Variants in FANCM observed in about 807,000 individuals in gnomAD.
FANCM encodes FA complementation group M, also known as Fanconi anemia group M protein.
In FANCM, 140 loss-of-function variants were observed where a neutral mutation model predicts 199.5. The ratio of observed to expected loss-of-function variants is 0.70; its 90% CI spans 0.61 to 0.81. The LOEUF is 0.81. Among genes scored for constraint, FANCM ranks in the 30% least tolerant of loss-of-function variants. FANCM has a pLI of 0.00. For synonymous variants in FANCM, 840 were observed against 836.8 expected (o/e 1.00, Z -0.07); for missense variants, 2,410 against 2,421.4 (o/e 1.00, Z 0.10).
At chr14:45,185,039 C>T (rs1889309209) in intron 17 of FANCM, among the ~76,000 whole-genome samples, 178 bp from the exon 18 acceptor site, 1 of 151,932 alleles carries the variant, frequency 6.6e-6, no homozygotes, top group East Asian at 1.9e-4. Flanking sequence ...GCTTCGGCCT[C>T]CCATAGTGCT....
At chr14:45,154,905 A>G (rs568300822) in intron 7 of FANCM, 83 bp downstream of exon 7, 17 of 996,426 alleles carry the variant, frequency 1.7e-5, no homozygotes, top group Admixed American at 3.7e-5. Flanking sequence ...TTTGATGCAA[A>G]TGTCTACAAT....
At chr14:45,150,383 T>A (rs1359585838) in intron 4 of FANCM, among the ~76,000 whole-genome samples, 1 of 152,212 alleles carries the variant, frequency 6.6e-6, no homozygotes, top group African/African-American at 2.4e-5. Flanking sequence ...ATTTTGTTAG[T>A]ATTTTTAGAG....
At chr14:45,186,727 G>T (rs2139288519) in intron 18 of FANCM, among the ~76,000 whole-genome samples, 1 of 152,350 alleles carries the variant, frequency 6.6e-6, no homozygotes, top group Admixed American at 6.5e-5. Flanking sequence ...AAAGACAACA[G>T]CCAGTGCAAA....
intron 12 of FANCM, among the ~76,000 whole-genome samples, chr14:45,171,893 T>G (rs1205336980): frequency 6.6e-6 from 1 of 152,176 alleles, no homozygotes; most frequent in African/African-American, 2.4e-5. Context: ...GACTGCTGGA[T>G]CAAATGGTAG....
In FANCM at chr14:45,199,982, C is replaced by A; in HGVS notation, c.6121C>A (p.Gln2041Lys). The A allele has an allele frequency of 6.2e-7, 1 of 1,608,660 alleles. No individual in the cohort carries two copies. Among genetic ancestry groups the A allele is most frequent in the African/African-American group, 1.3e-5 (1 of 74,868 alleles). The stretch of plus-strand genomic sequence containing the variant: ...ACAAATGTTACCAAATGATCTTAAC[C>A]AAGATAGACTGAAATCTGATATATA... ...DIQMLPNDLN[Q>K]DRLKSDI The change falls in exon 23 of 23, where the codon CAA becomes AAA. Residue 2041 changes from glutamine to lysine, a missense_variant. By Grantham distance (53) the Gln-to-Lys change is moderately conservative. Transcript: ENST00000267430.
chr14:45,198,381 C>T, intron 21 of FANCM: 1 of 291,102 alleles, frequency 3.4e-6, no homozygotes, highest in Non-Finnish European at 6.4e-6. Context: ...ACAGTCTTGG[C>T]CTTCAGGAGT....
At chr14:45,167,437 C>CA (rs760118312) in intron 11 of FANCM, 14 of 395,168 alleles carry the variant, frequency 3.5e-5, no homozygotes, top group Non-Finnish European at 6.0e-5. Flanking sequence ...AGAAAGAAAA[C>CA]AGTTTTATTT....
intron 12 of FANCM, among the ~76,000 whole-genome samples, chr14:45,171,682 TAGTC>T (rs1233104336): frequency 2.2e-5 from 3 of 136,570 alleles, no homozygotes; most frequent in Non-Finnish European, 4.6e-5. Context: ...GGCTGAGTAG[TAGTC>T]CATGTTGTGT....
rs747405660 is a variant in FANCM at position 45,175,806 on chromosome 14, G to T, written c.3052G>T (p.Glu1018Ter). 3 of 1,613,840 alleles carry T rather than the reference G, an allele frequency of 1.9e-6. No individual in the cohort carries two copies. The highest frequency in any genetic ancestry group is 2.5e-6 in the Non-Finnish European group (3 of 1,179,944). ...EYEIAKGTAL[E>*]NLLFLPCAEH... ...TGAAATTGCTAAGGGTACTGCACTT[G>T]AGAATTTGCTTTTCTTACCCTGTGC... Residue 1018 changes from glutamate to a stop codon, truncating the protein, a stop_gained, in exon 14 of 23, where the codon GAG becomes TAG. Transcript: ENST00000267430. LOFTEE classifies it high-confidence loss of function.
intron 2 of FANCM, among the ~76,000 whole-genome samples, chr14:45,138,279 G>GTT (rs1803401537): frequency 6.6e-6 from 1 of 152,076 alleles, no homozygotes; most frequent in Non-Finnish European, 1.5e-5. Flanking sequence ...AGAGGGAAAG[G>GTT]TAGGGAAAGT....
rs143989229 is a variant in FANCM at position 45,175,895 on chromosome 14, G to C, written c.3141G>C (p.Gln1047His). The part of the protein sequence containing the change: ...LLSHSAVNSQ[Q>H]NLELNSLKCI... ...CACATTCAGCTGTGAATTCTCAACA[G>C]AATTTAGAATTGAATTCACTTAAAT... Residue 1047 changes from glutamine (Q) to histidine (H), a missense_variant, in exon 14 of 23, where the codon CAG becomes CAC. Coordinates refer to ENST00000267430, the MANE Select transcript of FANCM (RefSeq NM_020937.4). 2 of 1,613,158 alleles carry C rather than the reference G, an allele frequency of 1.2e-6. No individual in the cohort carries two copies. Among genetic ancestry groups the C allele is most frequent in the Non-Finnish European group, 1.7e-6 (2 of 1,179,466 alleles).
intron 8 of FANCM, among the ~76,000 whole-genome samples, chr14:45,157,351 G>A (rs775924464): frequency 6.6e-6 from 1 of 152,130 alleles, no homozygotes; most frequent in Non-Finnish European, 1.5e-5. Context: ...TGATTATCAG[G>A]ACAACAGTTT....
chr14:45,164,651 A>G, intron 10 of FANCM, 86 bp downstream of exon 10: 2 of 1,023,432 alleles, frequency 2.0e-6, no homozygotes, highest in Non-Finnish European at 3.0e-6. Flanking sequence ...TAGCATTCCA[A>G]GTCCAAACAC....
chr14:45,159,006 C>T (rs1309672927), intron 8 of FANCM, 90 bp from the exon 9 acceptor site: 5 of 793,048 alleles, frequency 6.3e-6, no homozygotes, highest in Non-Finnish European at 1.0e-5. Context: ...CATTCGTTAG[C>T]ATTAACACTT....
At chr14:45,154,843 T>C in intron 7 of FANCM, 21 bp downstream of exon 7, 2 of 1,601,588 alleles carry the variant, frequency 1.2e-6, no homozygotes, top group Non-Finnish European at 1.7e-6. Context: ...TCTTTTAAAA[T>C]TATGTATTGT....
rs371310484 is a variant in FANCM, at chr14:45,181,401, C to G, written c.4223-29C>G. ...ATTGGGTAAACCTAAATCTATTAAC[C>G]ATTCATTATTTTAAAAAATAAATTA... On this transcript the variant is annotated intron_variant, in intron 14 of 22. Coordinates refer to ENST00000267430, the MANE Select transcript of FANCM (RefSeq NM_020937.4). 1.9e-4 allele frequency: 224 copies of G among 1,177,646 alleles called. 1 individual carries two copies. The East Asian group carries it at 2.9e-3, about 15-fold the overall frequency. 72.9% of individuals were successfully genotyped at this position (1,177,646 alleles called of 1,614,324 possible). A position where few individuals can be genotyped will look rare whatever the true frequency, so the allele number is the denominator to read the frequency against.
intron 20 of FANCM, among the ~76,000 whole-genome samples, chr14:45,192,622 A>G (rs1889833215): frequency 6.6e-6 from 1 of 152,094 alleles, no homozygotes; most frequent in Non-Finnish European, 1.5e-5. Flanking sequence ...CAGCCTGTGC[A>G]ACATAGCGAG....
At chr14:45,196,744 G>C (rs1890082915) in intron 21 of FANCM, among the ~76,000 whole-genome samples, 197 bp downstream of exon 21, 1 of 152,156 alleles carries the variant, frequency 6.6e-6, no homozygotes, top group Admixed American at 6.5e-5. Context: ...GAGAAATGAA[G>C]GGTTGGAAAC....
intron 21 of FANCM, 140 bp downstream of exon 21, chr14:45,196,687 A>G: frequency 1.2e-6 from 1 of 842,214 alleles, no homozygotes; most frequent in Non-Finnish European, 1.8e-6. Context: ...ATATTTTCAT[A>G]CAGCCATAAT....
Sources: gnomAD v4.1 joint callset for allele counts (sites outside exome capture counted in the v4.1 genomes callset) on GRCh38, gnomAD v4.1.1 for gene constraint, MANE v1.5 for transcripts, NCBI Gene and HGNC (gene_info 2026-07-23, HGNC 2026-07-21) for gene names.